ZNF473: variants seen among roughly 807,000 people sequenced by gnomAD.
ZNF473 encodes the protein zinc finger protein 100 homolog.
ZNF473 carries 4 observed loss-of-function variants against 11.1 expected under a neutral mutation model. That is an observed-to-expected ratio of 0.36 (90% CI 0.18 to 0.82). The LOEUF is 0.82. Among genes scored for constraint, ZNF473 ranks in the 40% least tolerant of loss-of-function variants. The pLI, the probability that ZNF473 is intolerant of heterozygous loss-of-function variation, is 0.49. For synonymous variants in ZNF473, 404 were observed against 390.4 expected (o/e 1.03, Z -0.41); for missense variants, 854 against 1,084.0 (o/e 0.79, Z 2.98).
Position 50,045,425 on chromosome 19 carries a change from G to T in ZNF473, c.982G>T (p.Ala328Ser). Residue 328 changes from alanine to serine, a missense_variant, in exon 5 of 5, where the codon GCT becomes TCT. Physicochemically the swap from Ala to Ser is moderately conservative, Grantham distance 99 (BLOSUM62 1). This residue lies in a region of ZNF473 where 668 missense variants were observed against 790.2 expected (regional missense o/e 0.85). Transcript: ENST00000270617. ...KSYNCNECGK[A>S]FTRIFHLTRH... ...CTACAACTGTAACGAATGCGGCAAGGCTTTTACCCGGATCTTCCACCTTAC... is the reference window on the plus strand; with the variant it reads ...CTACAACTGTAACGAATGCGGCAAGTCTTTTACCCGGATCTTCCACCTTAC... 6.2e-7 allele frequency: 1 copy of T among 1,614,098 alleles called. No homozygotes were observed. Among genetic ancestry groups the T allele is most frequent in the South Asian group, 1.1e-5 (1 of 91,082 alleles).
chr19:50,038,797 C>T (rs979835927), intron 2 of ZNF473, among the ~76,000 whole-genome samples: 5 of 152,154 alleles, frequency 3.3e-5, no homozygotes, highest in Non-Finnish European at 7.4e-5. Flanking sequence ...GTGATGAGTT[C>T]ATGGGTGTTA....
Position 50,044,765 on chromosome 19 carries a change from T to C in ZNF473, c.322T>C (p.Trp108Arg), listed in dbSNP as rs563209913. ...IIEMLSKDGF[W>R]NSNFGEACIE... ...AGAGATGTTATCCAAGGATGGCTTC[T>C]GGAACTCCAATTTCGGAGAAGCCTG... is the stretch of plus-strand genomic sequence containing the variant. Residue 108 changes from tryptophan to arginine, a missense_variant, in exon 5 of 5, where the codon TGG (tryptophan) becomes CGG (arginine). Trp to Arg is a moderately radical substitution (Grantham distance 101). This residue lies in a region of ZNF473 where 668 missense variants were observed against 790.2 expected (regional missense o/e 0.85). Coordinates refer to ENST00000270617, the MANE Select transcript of ZNF473 (RefSeq NM_015428.4). 8.1e-6 allele frequency: 13 copies of C among 1,614,136 alleles called. No homozygotes were observed. The highest frequency in any genetic ancestry group is 1.0e-5 in the Non-Finnish European group (12 of 1,180,054).
At chr19:50,041,652 G>C (rs1600759216) in intron 3 of ZNF473, 78 bp from the exon 4 acceptor site, 1 of 1,283,970 alleles carries the variant, frequency 7.8e-7, no homozygotes, top group East Asian at 2.5e-5. Context: ...AAAGTCAGGA[G>C]AGCCAGGAGG....
intron 1 of ZNF473, among the ~76,000 whole-genome samples, chr19:50,027,509 T>C (rs1167197263): frequency 1.3e-5 from 2 of 152,128 alleles, no homozygotes; most frequent in Non-Finnish European, 2.9e-5. Context: ...GCTCCACCTC[T>C]GGGCCCTCGT....
chr19:50,027,193 G>T (rs1394938819), intron 1 of ZNF473, among the ~76,000 whole-genome samples: 4 of 152,072 alleles, frequency 2.6e-5, no homozygotes. Context: ...AGGAATCTGG[G>T]CCAGTTTTTG....
rs755936466 is a variant in ZNF473 at position 50,044,779 on chromosome 19, C to G, written c.336C>G (p.Phe112Leu). Residue 112 changes from phenylalanine (F) to leucine (L), a missense_variant, in exon 5 of 5, where the codon TTC (phenylalanine) becomes TTG (leucine). By Grantham distance (22) the Phe-to-Leu change is conservative (BLOSUM62 0). This residue lies in a region of ZNF473 where 668 missense variants were observed against 790.2 expected (regional missense o/e 0.85). Transcript: ENST00000270617. The part of the protein sequence containing the change: ...LSKDGFWNSN[F>L]GEACIEDTWL... ...AGGATGGCTTCTGGAACTCCAATTT[C>G]GGAGAAGCCTGTATAGAGGACACCT... 6 of 1,614,208 alleles carry G rather than the reference C, an allele frequency of 3.7e-6. No individual in the cohort carries two copies. Among genetic ancestry groups the G allele is most frequent in the Non-Finnish European group, 5.1e-6 (6 of 1,180,034 alleles).
intron 2 of ZNF473, among the ~76,000 whole-genome samples, chr19:50,036,480 ATT>A (rs34005330): frequency 7.7e-4 from 101 of 131,436 alleles, no homozygotes; most frequent in Non-Finnish European, 8.0e-4. Context: ...TGCCCAGCTA[ATT>A]TTTTTTTTTT....
Position 50,039,647 on chromosome 19 carries a change from C to T in ZNF473, c.136+360C>T, listed in dbSNP as rs973809020. On this transcript the variant is annotated intron_variant, in intron 3 of 4. Coordinates refer to ENST00000270617, the MANE Select transcript of ZNF473 (RefSeq NM_015428.4). This position sits in a 1 kb window ranked among gnomAD's most constrained non-coding sequence, Gnocchi z 4.8. ...CTATCTGCCTCCCCAGCCTTGTCTT[C>T]ACCACTTTCCTACTTGTAGTCAGTC... Among the ~76,000 whole-genome samples the T allele has an allele frequency of 9.2e-5, 14 of 152,242 alleles. No individual in the cohort carries two copies. The highest frequency in any genetic ancestry group is 2.9e-4 in the African/African-American group (12 of 41,462).
rs775975272 is a variant in ZNF473, at chr19:50,039,298, C to T, written c.136+11C>T. On this transcript the variant is annotated intron_variant, in intron 3 of 4. Transcript: ENST00000270617. This position sits in a 1 kb window ranked among gnomAD's most constrained non-coding sequence, Gnocchi z 4.8. The stretch of plus-strand genomic sequence containing the variant: ...ACCTCTTCCTGCTGGGTGAGTGTTG[C>T]CTGTCCCCAGGGGCCTACTCACTGC... The T allele has an allele frequency of 4.3e-6, 7 of 1,613,784 alleles. No individual in the cohort carries two copies. The highest frequency in any genetic ancestry group is 5.1e-6 in the Non-Finnish European group (6 of 1,179,764).
chr19:50,035,818 G>C (rs1978398927), intron 2 of ZNF473, among the ~76,000 whole-genome samples: 2 of 152,100 alleles, frequency 1.3e-5, no homozygotes. Flanking sequence ...ATAGATAGTA[G>C]AACTAGAATT....
intron 2 of ZNF473, among the ~76,000 whole-genome samples, chr19:50,037,806 C>T (rs1255608505): frequency 6.7e-6 from 1 of 149,598 alleles, no homozygotes. Flanking sequence ...GTGAGACACT[C>T]TCTCTCTCTC....
rs1254130214 is a variant in ZNF473, at chr19:50,039,758, C to T, written c.136+471C>T. Among the ~76,000 whole-genome samples the T allele has an allele frequency of 6.6e-6, 1 of 152,230 alleles. No individual in the cohort carries two copies. The highest frequency in any genetic ancestry group is 1.5e-5 in the Non-Finnish European group (1 of 68,050). ...CAGGGCTTACATTTTTAAAGTTTAA[C>T]CTGGGACCCTGTTAGAACTCCATAC... On this transcript the variant is annotated intron_variant, in intron 3 of 4. Coordinates refer to ENST00000270617, the MANE Select transcript of ZNF473 (RefSeq NM_015428.4). The surrounding 1 kb of genome is among the most constrained non-coding windows in gnomAD (Gnocchi z 4.8).
chr19:50,031,261 G>A (rs575887160), intron 2 of ZNF473, among the ~76,000 whole-genome samples, 170 bp downstream of exon 2: 166 of 152,244 alleles, frequency 1.1e-3, no homozygotes, highest in Non-Finnish European at 1.7e-3. Context: ...TGGCTCCCAG[G>A]CGATCTTTTT....
Position 50,045,492 on chromosome 19 carries a change from C to G in ZNF473, c.1049C>G (p.Ser350Cys), listed in dbSNP as rs1394363625. The change falls in exon 5 of 5, where the codon TCC (serine) becomes TGC (cysteine). Residue 350 changes from serine (S) to cysteine (C), a missense_variant. By Grantham distance (112) the Ser-to-Cys change is moderately radical. Transcript: ENST00000270617. ...CACACTCGGAAACGCTATGAGTGTT[C>G]CAAGTGCCAGGCGACCTTCAACTTG... ...KIHTRKRYEC[S>C]KCQATFNLRK... 2 of 1,614,172 alleles carry G rather than the reference C, an allele frequency of 1.2e-6. No homozygotes were observed. The highest frequency in any genetic ancestry group is 2.2e-5 in the East Asian group (1 of 44,884).
At chr19:50,040,935 G>A (rs556527250) in intron 3 of ZNF473, among the ~76,000 whole-genome samples, 5 of 152,264 alleles carry the variant, frequency 3.3e-5, no homozygotes, top group African/African-American at 4.8e-5. Flanking sequence ...TGTTTACCTC[G>A]ACTGCCCCTT....
rs1979195218 is a variant in ZNF473 at position 50,047,266 on chromosome 19, G to C, written c.*207G>C. On this transcript the variant is annotated 3_prime_UTR_variant, in exon 5 of 5. Coordinates refer to ENST00000270617, the MANE Select transcript of ZNF473 (RefSeq NM_015428.4). ...GATTCAGAGGTAGGCTCTGGAGCCA[G>C]TCTACCTTGAGTTAAATCCCACCTC... 1 of 551,538 alleles carries C rather than the reference G, an allele frequency of 1.8e-6. No homozygotes were observed. The highest frequency in any genetic ancestry group is 3.2e-6 in the Non-Finnish European group (1 of 313,782). The allele number at this position is 551,538 out of a possible 1,614,324, so 34.2% of individuals were successfully genotyped here. A position where few individuals can be genotyped will look rare whatever the true frequency, so the allele number is the denominator to read the frequency against.
Position 50,046,888 on chromosome 19 carries a change from C to T in ZNF473, c.2445C>T (p.Ser815=). ...QRIHTGEKPY[S]CNVCGKAFVL... is the part of the protein sequence containing the mutation. ...TTCACACAGGGGAGAAGCCTTACTCCTGTAATGTGTGTGGCAAAGCTTTTG... is the reference window on the plus strand; with the variant it reads ...TTCACACAGGGGAGAAGCCTTACTCTTGTAATGTGTGTGGCAAAGCTTTTG... Residue 815 remains serine (S), a synonymous_variant, in exon 5 of 5, where the codon TCC becomes TCT. Transcript: ENST00000270617. This position sits in a 1 kb window ranked among gnomAD's most constrained non-coding sequence, Gnocchi z 5.9. 1.2e-6 allele frequency: 2 copies of T among 1,614,192 alleles called. No individual in the cohort carries two copies. The highest frequency in any genetic ancestry group is 1.7e-6 in the Non-Finnish European group (2 of 1,180,038).
chr19:50,037,681 G>A (rs1978527868), intron 2 of ZNF473, among the ~76,000 whole-genome samples: 1 of 151,010 alleles, frequency 6.6e-6, no homozygotes, highest in Admixed American at 6.6e-5. Flanking sequence ...AATTAGCTGG[G>A]TCTGGTGGCA....
Position 50,046,047 on chromosome 19 carries a change from G to A in ZNF473, c.1604G>A (p.Ser535Asn), listed in dbSNP as rs74433034. ...GGCTCAACCCTGAAGTGCCACGAGAGTGTTCACGCCAGAGAAAAACAAGGA... is the reference window on the plus strand; with the variant it reads ...GGCTCAACCCTGAAGTGCCACGAGAATGTTCACGCCAGAGAAAAACAAGGA... Reference protein sequence around the residue: ...ICGSTLKCHESVHAREKQGFF... With the variant: ...ICGSTLKCHENVHAREKQGFF... The change falls in exon 5 of 5, where the codon AGT becomes AAT. Residue 535 changes from serine (S) to asparagine (N), a missense_variant. By Grantham distance (46) the Ser-to-Asn change is conservative. This residue lies in a region of ZNF473 where 668 missense variants were observed against 790.2 expected (regional missense o/e 0.85). Coordinates refer to ENST00000270617, the MANE Select transcript of ZNF473 (RefSeq NM_015428.4). This position sits in a 1 kb window ranked among gnomAD's most constrained non-coding sequence, Gnocchi z 5.9. 2.9e-3 allele frequency: 4,648 copies of A among 1,614,196 alleles called. 121 individuals are homozygous for A. In the African/African-American group the frequency reaches 0.055, roughly 19 times the overall value.
Sources: gnomAD v4.1 joint callset for allele counts (sites outside exome capture counted in the v4.1 genomes callset) on GRCh38, gnomAD v4.1.1 for gene constraint, gnomAD v4.1.1 regional missense constraint, Gnocchi (gnomAD v3.1) non-coding constraint, MANE v1.5 for transcripts, NCBI Gene and HGNC (gene_info 2026-07-23, HGNC 2026-07-21) for gene names.